FBXW8: variants seen among roughly 807,000 people sequenced by gnomAD.
FBXW8 encodes the protein F-box/WD repeat-containing protein 8.
In FBXW8, 57 loss-of-function variants were observed where a neutral mutation model predicts 65.3. That is an observed-to-expected ratio of 0.87 (90% confidence interval 0.71 to 1.09). The LOEUF (loss-of-function observed/expected upper bound fraction) is 1.09. Ranked by LOEUF, FBXW8 falls within the 50% of genes least tolerant of loss-of-function variation. FBXW8 has a pLI of 0.00. For missense variants in FBXW8, 777 were observed against 814.8 expected (o/e 0.95, Z 0.57); for synonymous variants, 308 against 330.2 (o/e 0.93, Z 0.73).
chr12:116,933,029 A>AAT (rs10661413), intron 2 of FBXW8, among the ~76,000 whole-genome samples: 1 of 151,716 alleles, frequency 6.6e-6, no homozygotes, highest in Non-Finnish European at 1.5e-5. Flanking sequence ...CTTAAAAAAA[A>AAT]TGTGCTGAAG....
At chr12:116,993,098 CTTTTTTTTT>C (rs71099026) in intron 7 of FBXW8, among the ~76,000 whole-genome samples, 2 of 85,404 alleles carry the variant, frequency 2.3e-5, no homozygotes, top group Admixed American at 1.9e-4. Context: ...TGATTTTTGA[CTTTTTTTTT>C]TTTTTTTTTT....
intron 1 of FBXW8, among the ~76,000 whole-genome samples, chr12:116,914,636 G>A (rs1412515266): frequency 6.6e-6 from 1 of 151,264 alleles, no homozygotes; most frequent in Admixed American, 6.6e-5. Flanking sequence ...AGCACTTTGG[G>A]AGGCTGAGGT....
chr12:116,946,606 C>T (rs559734208), intron 3 of FBXW8, among the ~76,000 whole-genome samples: 2 of 152,210 alleles, frequency 1.3e-5, no homozygotes, highest in East Asian at 3.9e-4. Context: ...CCCTCCCAGT[C>T]GAGAACCACT....
At chr12:116,988,172 A>G (rs1190378534) in intron 6 of FBXW8, among the ~76,000 whole-genome samples, 1 of 152,230 alleles carries the variant, frequency 6.6e-6, no homozygotes, top group African/African-American at 2.4e-5. Flanking sequence ...AACCTTGTAC[A>G]TAATCATTTT....
intron 7 of FBXW8, among the ~76,000 whole-genome samples, chr12:116,998,880 C>G (rs78291471): frequency 1.3e-5 from 2 of 152,340 alleles, no homozygotes; most frequent in East Asian, 3.9e-4. Flanking sequence ...ATATTTAAAA[C>G]ATTTTACTGT....
rs1954280601 is a variant in FBXW8, at chr12:117,028,105, C to G, written c.1730C>G (p.Ser577Ter). 1 of 1,614,174 alleles carries G rather than the reference C, an allele frequency of 6.2e-7. No homozygotes were observed. The change falls in exon 11 of 11, where the codon TCA (serine) becomes TGA (stop). Residue 577 changes from serine to a stop codon, truncating the protein, a stop_gained. Coordinates refer to ENST00000652555, the MANE Select transcript of FBXW8 (RefSeq NM_153348.3). LOFTEE classifies it low-confidence loss of function (END_TRUNC). This position sits in a 1 kb window ranked among gnomAD's most constrained non-coding sequence, Gnocchi z 4.1. Reference sequence around the variant, plus strand: ...CAGAGCCCTCTCCCTGTCTGCCGTTCATCCTGTGACGCCATGGCCACTCAC... The same window carrying G: ...CAGAGCCCTCTCCCTGTCTGCCGTTGATCCTGTGACGCCATGGCCACTCAC... ...AFQSPLPVCR[S>*]SCDAMATHYY... is the part of the protein sequence containing the mutation.
intron 4 of FBXW8, 78 bp downstream of exon 4, chr12:116,949,784 T>C: frequency 3.1e-6 from 4 of 1,295,996 alleles, no homozygotes; most frequent in South Asian, 1.2e-5. Context: ...TGAGTACCAG[T>C]GACCTTAGCT....
In FBXW8 at chr12:116,911,184, C is replaced by T; in HGVS notation, c.147C>T (p.Ala49=). ...TGGGCTCCGGGCGCGGCGAACAGGCCTCGGGGGACCCGGCGCTGGCCCAGC... is the reference window on the plus strand; with the variant it reads ...TGGGCTCCGGGCGCGGCGAACAGGCTTCGGGGGACCCGGCGCTGGCCCAGC... ...PEVGSGRGEQ[A]SGDPALAQRL... Residue 49 remains alanine (A), a synonymous_variant, in exon 1 of 11, where the codon GCC becomes GCT. Transcript: ENST00000652555. 7.7e-7 allele frequency: 1 copy of T among 1,300,090 alleles called. No individual in the cohort carries two copies. Among genetic ancestry groups the T allele is most frequent in the Non-Finnish European group, 9.7e-7 (1 of 1,030,656 alleles). The allele number at this position is 1,300,090 out of a possible 1,614,324, so 80.5% of individuals were successfully genotyped here. A position where few individuals can be genotyped will look rare whatever the true frequency, so the allele number is the denominator to read the frequency against.
chr12:117,028,558 T>TA lies in FBXW8; in HGVS notation c.*387dup. The TA allele has an allele frequency of 5.2e-6, 1 of 191,814 alleles. No individual in the cohort carries two copies. Among genetic ancestry groups the TA allele is most frequent in the South Asian group, 1.2e-4 (1 of 8,282 alleles). The allele number at this position is 191,814 out of a possible 1,614,324, so 11.9% of individuals were successfully genotyped here. A position where few individuals can be genotyped will look rare whatever the true frequency, so the allele number is the denominator to read the frequency against. ...GCCGTCTTTTCCGTCTCCAGCCCCT[T>TA]ACCTCTTTTCCTCCGAGGGCCTTTG... On this transcript the variant is annotated 3_prime_UTR_variant, in exon 11 of 11. Transcript: ENST00000652555. This position sits in a 1 kb window ranked among gnomAD's most constrained non-coding sequence, Gnocchi z 4.1.
intron 7 of FBXW8, among the ~76,000 whole-genome samples, chr12:116,997,794 C>T (rs973083406): frequency 5.9e-5 from 9 of 152,156 alleles, no homozygotes; most frequent in Admixed American, 3.3e-4. Context: ...GATTCACTTT[C>T]CCAAGAATTG....
chr12:117,012,987 G>GA (rs1953863228), intron 8 of FBXW8, among the ~76,000 whole-genome samples: 1 of 152,094 alleles, frequency 6.6e-6, no homozygotes, highest in Non-Finnish European at 1.5e-5. Flanking sequence ...AAGTAAAAAT[G>GA]AAAAAGGATC....
rs114922975 is a variant in FBXW8 at position 116,944,309 on chromosome 12, C to G, written c.424-1055C>G. ...TATGGAGGAGCAGGTCTTTGGAGGT[C>G]TTTAATCTGCCATCCTGCAAACTAA... On this transcript the variant is annotated intron_variant, in intron 2 of 10. Coordinates refer to ENST00000652555, the MANE Select transcript of FBXW8 (RefSeq NM_153348.3). Among the ~76,000 whole-genome samples the G allele has an allele frequency of 2.3e-3, 353 of 152,230 alleles. 3 individuals carry two copies. Among genetic ancestry groups the G allele is most frequent in the African/African-American group, 8.1e-3 (336 of 41,524 alleles).
At chr12:116,996,880 A>C (rs777081716) in intron 7 of FBXW8, among the ~76,000 whole-genome samples, 1 of 152,176 alleles carries the variant, frequency 6.6e-6, no homozygotes, top group Non-Finnish European at 1.5e-5. Context: ...CATCTGCCTC[A>C]GGGATTACAG....
chr12:117,005,967 C>G (rs1002763171), intron 7 of FBXW8, among the ~76,000 whole-genome samples: 6 of 152,342 alleles, frequency 3.9e-5, no homozygotes, highest in South Asian at 2.1e-4. Context: ...ACCTTTGGCT[C>G]TCTTTGCCAC....
At chr12:116,946,542 T>G (rs1160029453) in intron 3 of FBXW8, among the ~76,000 whole-genome samples, 2 of 152,102 alleles carry the variant, frequency 1.3e-5, no homozygotes, top group Non-Finnish European at 2.9e-5. Context: ...CCCCAAGTCA[T>G]GACAACTAGA....
Position 117,027,411 on chromosome 12 carries a change from T to A in FBXW8, c.1559T>A (p.Ile520Asn), listed in dbSNP as rs1302089288. Residue 520 changes from isoleucine to asparagine, a missense_variant, in exon 10 of 11, where the codon ATC becomes AAC. Ile to Asn is a moderately radical substitution (Grantham distance 149). Coordinates refer to ENST00000652555, the MANE Select transcript of FBXW8 (RefSeq NM_153348.3). ...EVYSGHPVQHISFSSHSLITA... is the reference protein window; with the variant it reads ...EVYSGHPVQHNSFSSHSLITA... ...CCTTCCAGGCACCCGGTGCAGCACA[T>A]CTCATTCAGCAGCCACAGCCTCATC... 6 of 1,613,870 alleles carry A rather than the reference T, an allele frequency of 3.7e-6. No individual in the cohort carries two copies. Among genetic ancestry groups the A allele is most frequent in the South Asian group, 2.2e-5 (2 of 91,086 alleles).
chr12:116,969,133 G>A (rs1352746268), intron 5 of FBXW8, among the ~76,000 whole-genome samples: 1 of 152,090 alleles, frequency 6.6e-6, no homozygotes, highest in African/African-American at 2.4e-5. Flanking sequence ...GTCCTTTGGG[G>A]TTTCACGTCA....
At chr12:116,987,684 G>C (rs1885820892) in intron 6 of FBXW8, among the ~76,000 whole-genome samples, 1 of 151,832 alleles carries the variant, frequency 6.6e-6, no homozygotes, top group South Asian at 2.1e-4. Flanking sequence ...TATTTATTCA[G>C]TTCATTGTAA....
intron 4 of FBXW8, among the ~76,000 whole-genome samples, chr12:116,962,781 G>A (rs1884065295): frequency 1.3e-5 from 2 of 152,108 alleles, no homozygotes; most frequent in Admixed American, 1.3e-4. Flanking sequence ...ATTCAAACAT[G>A]TCTCATCTGT....
Sources: allele counts gnomAD v4.1 joint callset (sites outside exome capture counted in the v4.1 genomes callset), GRCh38; gene constraint gnomAD v4.1.1; non-coding constraint Gnocchi (gnomAD v3.1); transcripts MANE v1.5; gene names NCBI Gene and HGNC (gene_info 2026-07-23, HGNC 2026-07-21).